TOMM40: variants seen among roughly 807,000 people sequenced by gnomAD.
TOMM40 encodes translocase of outer mitochondrial membrane 40.
Under a neutral mutation model 38.4 loss-of-function variants are expected in TOMM40, and 9 were observed. The ratio of observed to expected loss-of-function variants is 0.23; its 90% CI spans 0.14 to 0.41. TOMM40 has a LOEUF of 0.41. TOMM40 is among the 10% of genes least tolerant of loss of function. The probability of loss-of-function intolerance (pLI) is 1.00; values close to 1 mark genes in which losing one functional copy is unlikely to be tolerated. For missense variants in TOMM40, 299 were observed against 486.5 expected, an observed-to-expected ratio of 0.61 and a Z score of 3.63; for synonymous variants, 184 against 210.0, an observed-to-expected ratio of 0.88 and a Z score of 1.07.
At chr19:44,898,872 C>T (rs1175845858) in intron 5 of TOMM40, among the ~76,000 whole-genome samples, 2 of 150,794 alleles carry the variant, frequency 1.3e-5, no homozygotes, top group African/African-American at 2.4e-5. Context: ...AGGCCGGGCG[C>T]GGTGGCTCAT....
chr19:44,896,748 C>T (rs911672443), intron 5 of TOMM40, among the ~76,000 whole-genome samples: 1 of 152,178 alleles, frequency 6.6e-6, no homozygotes, highest in Non-Finnish European at 1.5e-5. Flanking sequence ...CGAGACAGCC[C>T]ATTCCTGCCC....
intron 8 of TOMM40, 77 bp from the exon 9 acceptor site, chr19:44,902,953 G>A: frequency 6.5e-7 from 1 of 1,543,526 alleles, no homozygotes; most frequent in Non-Finnish European, 8.7e-7. Flanking sequence ...CATGTGGCTG[G>A]TATCCAAGGT....
Position 44,903,517 on chromosome 19 carries a change from C to A in TOMM40, c.*348C>A, listed in dbSNP as rs924660306. On this transcript the variant is annotated 3_prime_UTR_variant, in exon 9 of 9. Coordinates refer to ENST00000426677, the MANE Select transcript of TOMM40 (RefSeq NM_001128917.2). ...GTCCCCATCCTCCAAAGGGCCTGGG[C>A]CCGCCCCGAGGGGGCAGCGAGAGGA... 249 of 229,784 alleles carry A rather than the reference C, an allele frequency of 1.1e-3. 2 individuals are homozygous for A. The highest frequency in any genetic ancestry group is 5.6e-3 in the African/African-American group (243 of 43,068). 14.2% of individuals were successfully genotyped at this position (229,784 alleles called of 1,614,324 possible).
At position 44,893,875 on chromosome 19, in the gene TOMM40, C is replaced by T. The variant is rs946867496; in HGVS notation, c.531C>T (p.Ala177=). 1 of 1,612,338 alleles carries T rather than the reference C, an allele frequency of 6.2e-7. No homozygotes were observed. The highest frequency in any genetic ancestry group is 1.1e-5 in the South Asian group (1 of 90,998). Residue 177 remains alanine (A), a synonymous_variant, in exon 4 of 9, where the codon GCC becomes GCT. Coordinates refer to ENST00000426677, the MANE Select transcript of TOMM40 (RefSeq NM_001128917.2). The part of the protein sequence containing the change: ...QLGPGLRSKM[A]IQTQQSKFVN... ...GCCCCGGTCTCAGGTCCAAGATGGC[C>T]ATCCAGGTGAGTGGGGCACGGAGGC...
intron 8 of TOMM40, 169 bp downstream of exon 8, chr19:44,901,479 A>C: frequency 6.9e-7 from 1 of 1,459,050 alleles, no homozygotes; most frequent in Non-Finnish European, 9.0e-7. Context: ...GCGGTGGCTC[A>C]CGCCTGTAAT....
chr19:44,896,831 G>A (rs1969573932), intron 5 of TOMM40, among the ~76,000 whole-genome samples: 1 of 152,154 alleles, frequency 6.6e-6, no homozygotes, highest in South Asian at 2.1e-4. Flanking sequence ...GAGGTGGGCG[G>A]ATCGCTTGAG....
At chr19:44,893,902 G>A in intron 4 of TOMM40, 21 bp downstream of exon 4, 2 of 1,610,544 alleles carry the variant, frequency 1.2e-6, no homozygotes, top group Non-Finnish European at 1.7e-6. Flanking sequence ...CACGGAGGCT[G>A]CTGCTCCCCT....
intron 5 of TOMM40, among the ~76,000 whole-genome samples, chr19:44,898,887 G>A (rs1011234774): frequency 6.6e-6 from 1 of 151,160 alleles, no homozygotes; most frequent in South Asian, 2.1e-4. Context: ...GCTCATGCTT[G>A]TAATCCCAGC....
chr19:44,900,693 C>T, intron 5 of TOMM40, 37 bp from the exon 6 acceptor site: 1 of 1,611,752 alleles, frequency 6.2e-7, no homozygotes, highest in Non-Finnish European at 8.5e-7. Flanking sequence ...GCCTGGCACT[C>T]AGGGTGGGTG....
chr19:44,896,593 G>A (rs1015542240), intron 5 of TOMM40, among the ~76,000 whole-genome samples: 5 of 152,202 alleles, frequency 3.3e-5, no homozygotes, highest in African/African-American at 1.2e-4. Context: ...ACACAGCCAG[G>A]AAGCAGAGGA....
chr19:44,894,771 G>A (rs565920951), intron 5 of TOMM40, among the ~76,000 whole-genome samples: 4 of 152,264 alleles, frequency 2.6e-5, no homozygotes, highest in Admixed American at 6.5e-5. Context: ...GTCGGGACTC[G>A]TGAAAGGAAC....
At chr19:44,900,154 G>A (rs552360283) in intron 5 of TOMM40, among the ~76,000 whole-genome samples, 3 of 152,276 alleles carry the variant, frequency 2.0e-5, no homozygotes, top group African/African-American at 7.2e-5. Context: ...ACACAGGAAC[G>A]CAGACTTGGA....
At chr19:44,895,468 C>T (rs945963096) in intron 5 of TOMM40, among the ~76,000 whole-genome samples, 1 of 152,124 alleles carries the variant, frequency 6.6e-6, no homozygotes. Flanking sequence ...CATTTCCTGT[C>T]CCCAACTCAC....
chr19:44,895,387 G>A (rs921692770), intron 5 of TOMM40, among the ~76,000 whole-genome samples: 1 of 152,156 alleles, frequency 6.6e-6, no homozygotes, highest in African/African-American at 2.4e-5. Flanking sequence ...AGACAGGGAA[G>A]CTGGAGGTGC....
At chr19:44,895,761 G>T (rs1215209616) in intron 5 of TOMM40, among the ~76,000 whole-genome samples, 2 of 152,102 alleles carry the variant, frequency 1.3e-5, no homozygotes, top group Non-Finnish European at 2.9e-5. Flanking sequence ...CGGCCAGGCT[G>T]ATCTCGAACT....
chr19:44,900,472 G>T (rs1308772957), intron 5 of TOMM40, among the ~76,000 whole-genome samples: 1 of 152,186 alleles, frequency 6.6e-6, no homozygotes, highest in African/African-American at 2.4e-5. Context: ...CTCTGTAAGT[G>T]GGGGTGGATA....
intron 5 of TOMM40, among the ~76,000 whole-genome samples, chr19:44,897,947 G>A (rs922535230): frequency 2.0e-5 from 3 of 152,064 alleles, no homozygotes; most frequent in African/African-American, 7.2e-5. Context: ...TCAACAACCA[G>A]TGGGGGGTTC....
intron 5 of TOMM40, among the ~76,000 whole-genome samples, chr19:44,897,583 G>C (rs1008900199): frequency 1.3e-5 from 2 of 152,090 alleles, no homozygotes; most frequent in Non-Finnish European, 2.9e-5. Context: ...CTCCCAAGTA[G>C]CTGGGATTAC....
intron 7 of TOMM40, 38 bp downstream of exon 7, chr19:44,901,142 C>T (rs746116522): frequency 6.2e-7 from 1 of 1,613,988 alleles, no homozygotes; most frequent in Admixed American, 1.7e-5. Context: ...CTGCCAGGGG[C>T]TGCTGGGCCT....
Sources: allele counts gnomAD v4.1 joint callset (sites outside exome capture counted in the v4.1 genomes callset), GRCh38; gene constraint gnomAD v4.1.1; transcripts MANE v1.5; gene names NCBI Gene and HGNC (gene_info 2026-07-23, HGNC 2026-07-21).